Variants in PDCD1LG2 observed in about 807,000 individuals in gnomAD.
PDCD1LG2 encodes the protein programmed cell death 1 ligand 2.
Under a neutral mutation model 28.2 loss-of-function variants are expected in PDCD1LG2, and 32 were observed. The observed-to-expected ratio is 1.13, with a 90% CI of 0.86 to 1.52. The LOEUF is 1.52. Ranked by LOEUF, PDCD1LG2 falls within the 40% of genes most tolerant of loss-of-function variation. The pLI is 0.00. For synonymous variants in PDCD1LG2, 116 were observed against 120.2 expected (o/e 0.97, Z 0.23); for missense variants, 385 against 323.8 (o/e 1.19, Z -1.45).
intron 5 of PDCD1LG2, among the ~76,000 whole-genome samples, chr9:5,561,054 A>C (rs1054478637): frequency 6.6e-6 from 1 of 152,114 alleles, no homozygotes; most frequent in African/African-American, 2.4e-5. Flanking sequence ...CCAGTGTCTA[A>C]AAAATTACCT....
intron 2 of PDCD1LG2, among the ~76,000 whole-genome samples, chr9:5,534,181 C>T (rs534988276): frequency 1.3e-5 from 2 of 151,990 alleles, no homozygotes; most frequent in Non-Finnish European, 2.9e-5. Flanking sequence ...GAGTGTCTGA[C>T]AATTGTAAGA....
intron 1 of PDCD1LG2, 43 bp from the exon 2 acceptor site, chr9:5,522,490 C>G (rs989484800): frequency 1.0e-5 from 15 of 1,488,234 alleles, no homozygotes; most frequent in African/African-American, 1.4e-5. Flanking sequence ...AAAGACCCAG[C>G]AAAGTTTCAC....
chr9:5,548,274 TACTTA>T (rs1374827015), intron 3 of PDCD1LG2, among the ~76,000 whole-genome samples: 6 of 152,332 alleles, frequency 3.9e-5, no homozygotes, highest in African/African-American at 7.2e-5. Flanking sequence ...GTGCCTGGCT[TACTTA>T]ACTTAGCATA....
intron 4 of PDCD1LG2, among the ~76,000 whole-genome samples, chr9:5,552,152 G>T (rs531227842): frequency 6.6e-5 from 10 of 152,318 alleles, no homozygotes; most frequent in African/African-American, 2.2e-4. Flanking sequence ...GGATATGGAA[G>T]TAAAAAGAAC....
chr9:5,555,831 G>A (rs7856444), intron 4 of PDCD1LG2, among the ~76,000 whole-genome samples: 24,196 of 152,166 alleles, frequency 0.16, 2,480 homozygotes, highest in African/African-American at 0.28. Context: ...ACATGGCTGG[G>A]CCCACTTAAC....
chr9:5,539,901 A>G (rs1299105473), intron 3 of PDCD1LG2, among the ~76,000 whole-genome samples: 1 of 152,230 alleles, frequency 6.6e-6, no homozygotes, highest in Non-Finnish European at 1.5e-5. Flanking sequence ...GACTTAACAG[A>G]TATTTACAGA....
chr9:5,515,922 C>CAAAAAAAAAAAAAAAA (rs1204038026), intron 1 of PDCD1LG2, among the ~76,000 whole-genome samples: 8 of 30,300 alleles, frequency 2.6e-4, no homozygotes, highest in South Asian at 4.1e-3. Flanking sequence ...GACTCCATCT[C>CAAAAAAAAAAAAAAAA]AAAAAAAAAA....
intron 4 of PDCD1LG2, among the ~76,000 whole-genome samples, chr9:5,556,133 A>T (rs1294171009): frequency 6.6e-6 from 1 of 152,274 alleles, no homozygotes; most frequent in East Asian, 1.9e-4. Flanking sequence ...TTCCTACTGG[A>T]TGTTCAACTT....
chr9:5,549,190 G>C, intron 3 of PDCD1LG2, 145 bp from the exon 4 acceptor site: 1 of 756,326 alleles, frequency 1.3e-6, no homozygotes, highest in Non-Finnish European at 2.2e-6. Context: ...CATGATATCA[G>C]GGATATACAA....
chr9:5,540,892 C>A (rs1177032497), intron 3 of PDCD1LG2, among the ~76,000 whole-genome samples: 1 of 152,056 alleles, frequency 6.6e-6, no homozygotes, highest in Non-Finnish European at 1.5e-5. Flanking sequence ...ATACAAAAAC[C>A]AGGGAAGGAC....
At chr9:5,564,112 G>C (rs1341718115) in intron 6 of PDCD1LG2, among the ~76,000 whole-genome samples, 1 of 152,176 alleles carries the variant, frequency 6.6e-6, no homozygotes, top group Non-Finnish European at 1.5e-5. Context: ...AAGTCAATTT[G>C]TCATTCCTGC....
At chr9:5,558,562 G>A (rs1816493856) in intron 5 of PDCD1LG2, among the ~76,000 whole-genome samples, 1 of 152,246 alleles carries the variant, frequency 6.6e-6, no homozygotes, top group South Asian at 2.1e-4. Flanking sequence ...AAAGAGAAAT[G>A]ACATGTGGAA....
intron 1 of PDCD1LG2, among the ~76,000 whole-genome samples, chr9:5,520,803 TG>T (rs779755455): frequency 2.6e-5 from 4 of 152,214 alleles, no homozygotes; most frequent in Non-Finnish European, 4.4e-5. Context: ...ATAAATAGTT[TG>T]GCAATTCCTC....
chr9:5,515,740 G>A (rs932903041), intron 1 of PDCD1LG2, among the ~76,000 whole-genome samples: 3 of 151,598 alleles, frequency 2.0e-5, no homozygotes, highest in Non-Finnish European at 4.4e-5. Flanking sequence ...TGGCCAAGAT[G>A]GTGAAACTCC....
chr9:5,513,573 G>A (rs963223508), intron 1 of PDCD1LG2, among the ~76,000 whole-genome samples: 2 of 152,102 alleles, frequency 1.3e-5, no homozygotes, highest in African/African-American at 4.8e-5. Flanking sequence ...TAATATAAAG[G>A]CTTATAAAAA....
At chr9:5,518,041 G>A (rs1449593055) in intron 1 of PDCD1LG2, among the ~76,000 whole-genome samples, 1 of 152,214 alleles carries the variant, frequency 6.6e-6, no homozygotes. Flanking sequence ...ACAGGACTAG[G>A]GGATGGGCCA....
chr9:5,532,696 G>C (rs962756313), intron 2 of PDCD1LG2, among the ~76,000 whole-genome samples: 10 of 152,188 alleles, frequency 6.6e-5, no homozygotes, highest in African/African-American at 2.4e-4. Context: ...CTTATACTGT[G>C]AAATCTGATC....
chr9:5,550,147 G>A (rs1420433978), intron 4 of PDCD1LG2, among the ~76,000 whole-genome samples: 1 of 152,180 alleles, frequency 6.6e-6, no homozygotes, highest in Admixed American at 6.5e-5. Flanking sequence ...GAGCCAGCAG[G>A]ATGAATATTC....
intron 4 of PDCD1LG2, among the ~76,000 whole-genome samples, chr9:5,550,210 G>A (rs971490530): frequency 4.6e-5 from 7 of 152,036 alleles, no homozygotes; most frequent in Non-Finnish European, 8.8e-5. Flanking sequence ...CAAGAAATTT[G>A]GTCTCTAACA....
Sources: gnomAD v4.1 joint callset for allele counts (sites outside exome capture counted in the v4.1 genomes callset) on GRCh38, gnomAD v4.1.1 for gene constraint, MANE v1.5 for transcripts, NCBI Gene and HGNC (gene_info 2026-07-23, HGNC 2026-07-21) for gene names.